CSMD3: variants seen among roughly 807,000 people sequenced by gnomAD.
CSMD3 encodes CUB and Sushi multiple domains 3.
A neutral mutation model predicts 435.2 loss-of-function variants in CSMD3; 177 were observed. That is an observed-to-expected ratio of 0.41 (90% CI 0.36 to 0.46). The LOEUF is 0.46. Ranked by LOEUF, CSMD3 falls within the 20% of genes least tolerant of loss-of-function variation. The probability of loss-of-function intolerance (pLI) is 0.34; values close to 1 mark genes in which losing one functional copy is unlikely to be tolerated. For missense variants in CSMD3, 4,265 were observed against 4,504.6 expected (o/e 0.95, Z 1.52); for synonymous variants, 1,656 against 1,520.5 (o/e 1.09, Z -2.07).
At chr8:113,025,338 C>G (rs1412687991) in intron 5 of CSMD3, among the ~76,000 whole-genome samples, 1 of 152,076 alleles carries the variant, frequency 6.6e-6, no homozygotes, top group Non-Finnish European at 1.5e-5. Flanking sequence ...TGGGTAGAAG[C>G]AGGAGTGTGG....
At chr8:112,936,446 C>T in intron 9 of CSMD3, among the ~76,000 whole-genome samples, 1 of 152,038 alleles carries the variant, frequency 6.6e-6, no homozygotes, top group Non-Finnish European at 1.5e-5. Context: ...AAGGTCACTC[C>T]TATGGAAACT....
intron 13 of CSMD3, among the ~76,000 whole-genome samples, chr8:112,695,617 C>T (rs1428476037): frequency 1.3e-5 from 2 of 152,164 alleles, no homozygotes; most frequent in East Asian, 3.8e-4. Flanking sequence ...AAACCCACAG[C>T]CAATGTCATG....
intron 4 of CSMD3, among the ~76,000 whole-genome samples, chr8:113,154,687 A>G (rs970870396): frequency 6.6e-6 from 1 of 152,182 alleles, no homozygotes; most frequent in East Asian, 1.9e-4. Flanking sequence ...CAGAGAGTGG[A>G]TAAAAGAATG....
chr8:113,359,277 T>C (rs1042541553), intron 1 of CSMD3, among the ~76,000 whole-genome samples: 6 of 152,140 alleles, frequency 3.9e-5, no homozygotes, highest in African/African-American at 1.4e-4. Context: ...CTCTCAGAAG[T>C]AGTCATTACA....
At chr8:112,791,319 GAAAA>G (rs3047119) in intron 13 of CSMD3, among the ~76,000 whole-genome samples, 1,459 of 103,166 alleles carry the variant, frequency 0.014, 20 homozygotes, top group East Asian at 0.1. Context: ...CATATCCTGT[GAAAA>G]AAAAAAAAAA....
At chr8:112,804,041 T>C (rs1220688194) in intron 12 of CSMD3, among the ~76,000 whole-genome samples, 7 of 152,226 alleles carry the variant, frequency 4.6e-5, no homozygotes, top group Non-Finnish European at 8.8e-5. Context: ...TAACTCCTTG[T>C]AGCTGTACTC....
chr8:112,754,232 G>T (rs2132116672), intron 13 of CSMD3, among the ~76,000 whole-genome samples: 1 of 152,284 alleles, frequency 6.6e-6, no homozygotes, highest in African/African-American at 2.4e-5. Context: ...GAACAGAGCT[G>T]TAAGGCCGGA....
At chr8:112,766,169 A>G (rs2077973824) in intron 13 of CSMD3, among the ~76,000 whole-genome samples, 1 of 151,772 alleles carries the variant, frequency 6.6e-6, no homozygotes, top group Non-Finnish European at 1.5e-5. Flanking sequence ...GAAAAAATAT[A>G]ATCACATACA....
At chr8:112,877,922 G>T (rs112770456) in intron 10 of CSMD3, among the ~76,000 whole-genome samples, 6,740 of 152,092 alleles carry the variant, frequency 0.044, 170 homozygotes, top group African/African-American at 0.056. Flanking sequence ...TTAACTCAAG[G>T]TGGGTTATAG....
chr8:112,585,408 T>C (rs1190091700), intron 23 of CSMD3, among the ~76,000 whole-genome samples: 2 of 138,656 alleles, frequency 1.4e-5, no homozygotes, highest in Non-Finnish European at 3.3e-5. Flanking sequence ...TTACATTGAG[T>C]CTTTTTTTTT....
chr8:112,747,273 A>C (rs1046758104), intron 13 of CSMD3, among the ~76,000 whole-genome samples: 1 of 133,770 alleles, frequency 7.5e-6, no homozygotes, highest in South Asian at 2.4e-4. Flanking sequence ...GTGAAGTTCA[A>C]ATTTCAATAT....
chr8:112,241,631 A>AT (rs1814155446), intron 66 of CSMD3, 89 bp downstream of exon 66: 3 of 863,304 alleles, frequency 3.5e-6, no homozygotes, highest in South Asian at 2.9e-5. Context: ...ACTTAAATAT[A>AT]TTTTTTAAAT....
At chr8:113,320,522 T>C (rs1244151909) in intron 1 of CSMD3, among the ~76,000 whole-genome samples, 1 of 152,132 alleles carries the variant, frequency 6.6e-6, no homozygotes, top group Admixed American at 6.5e-5. Flanking sequence ...GTTTACTTTC[T>C]CCAGCCATCT....
intron 10 of CSMD3, among the ~76,000 whole-genome samples, chr8:112,890,055 G>A (rs1200625581): frequency 6.6e-6 from 1 of 151,640 alleles, no homozygotes; most frequent in African/African-American, 2.4e-5. Flanking sequence ...CAGAAAAAAA[G>A]CACTTGTTAA....
At chr8:112,359,750 T>C (rs190763319) in intron 38 of CSMD3, among the ~76,000 whole-genome samples, 22 of 152,176 alleles carry the variant, frequency 1.4e-4, no homozygotes, top group Non-Finnish European at 8.8e-5. Context: ...AGTCTTGAAT[T>C]AGATAAGGAG....
intron 1 of CSMD3, among the ~76,000 whole-genome samples, chr8:113,333,924 T>C (rs181613067): frequency 3.2e-4 from 49 of 152,038 alleles, no homozygotes; most frequent in Middle Eastern, 6.8e-3. Flanking sequence ...TCCATTTATA[T>C]AGATCCCCAT....
Position 112,503,783 on chromosome 8 carries a change from T to C in CSMD3, c.5083+7A>G, listed in dbSNP as rs1312036586. On this transcript the variant is annotated splice_region_variant and intron_variant, in intron 30 of 70. Transcript: ENST00000297405. The stretch of plus-strand genomic sequence containing the variant: ...TCATGATACTAACATGGAATGTTCA[T>C]ATTTACCTTTGTATTCTAGATGAAA... 6.3e-7 allele frequency: 1 copy of C among 1,590,356 alleles called. No individual in the cohort carries two copies. The highest frequency in any genetic ancestry group is 1.7e-4 in the Middle Eastern group (1 of 6,002).
intron 4 of CSMD3, among the ~76,000 whole-genome samples, chr8:113,153,253 A>AAAGG (rs748079169): frequency 1.7e-4 from 26 of 149,870 alleles, no homozygotes; most frequent in South Asian, 4.2e-4. Flanking sequence ...AGAGAGAAAG[A>AAAGG]AAGGAAGGAA....
intron 10 of CSMD3, among the ~76,000 whole-genome samples, chr8:112,875,668 T>G (rs1322232824): frequency 6.6e-6 from 1 of 152,200 alleles, no homozygotes; most frequent in Non-Finnish European, 1.5e-5. Flanking sequence ...TTTCATTAAG[T>G]TGATCTTCAA....
Sources: gnomAD v4.1 joint callset for allele counts (sites outside exome capture counted in the v4.1 genomes callset) on GRCh38, gnomAD v4.1.1 for gene constraint, MANE v1.5 for transcripts, NCBI Gene and HGNC (gene_info 2026-07-23, HGNC 2026-07-21) for gene names.